TAF4B: variants seen among roughly 807,000 people sequenced by gnomAD.
The protein encoded by TAF4B is TATA-box binding protein associated factor 4b.
In TAF4B, 38 loss-of-function variants were observed where a neutral mutation model predicts 86.4. The ratio of observed to expected loss-of-function variants is 0.44; its 90% CI spans 0.34 to 0.58. The LOEUF (loss-of-function observed/expected upper bound fraction) is 0.58. TAF4B is among the 20% of genes least tolerant of loss of function. The probability of loss-of-function intolerance (pLI) is 0.02; values close to 1 mark genes in which losing one functional copy is unlikely to be tolerated. For synonymous variants in TAF4B, 388 were observed against 391.2 expected, an observed-to-expected ratio of 0.99 and a Z score of 0.10; for missense variants, 988 against 1,027.6, an observed-to-expected ratio of 0.96 and a Z score of 0.53.
intron 14 of TAF4B, among the ~76,000 whole-genome samples, chr18:26,358,688 C>T (rs1049192468): frequency 3.9e-5 from 6 of 151,926 alleles, no homozygotes; most frequent in East Asian, 1.9e-4. Flanking sequence ...CCAGCCTGGG[C>T]GACAGAGCGA....
At chr18:26,249,198 G>A (rs1168369277) in intron 1 of TAF4B, among the ~76,000 whole-genome samples, 2 of 151,674 alleles carry the variant, frequency 1.3e-5, no homozygotes, top group Admixed American at 1.3e-4. Context: ...GAGGAACCTG[G>A]CTGGGTGCGG....
rs144649722 is a variant in TAF4B at position 26,234,207 on chromosome 18, C to G, written c.343+6931C>G. 4.3e-3 allele frequency among the ~76,000 whole-genome samples: 654 copies of G among 152,296 alleles called. 6 individuals carry two copies. The highest frequency in any genetic ancestry group is 0.015 in the African/African-American group (631 of 41,558). ...ACCAAGGGTTCCTCCATAGGTATTCCTAATGGGAGATTCTGCCTGGCAGCA... is the reference window on the plus strand; with the variant it reads ...ACCAAGGGTTCCTCCATAGGTATTCGTAATGGGAGATTCTGCCTGGCAGCA... On this transcript the variant is annotated intron_variant, in intron 1 of 14. Transcript: ENST00000269142.
intron 1 of TAF4B, among the ~76,000 whole-genome samples, chr18:26,227,783 C>G (rs1272147309): frequency 6.6e-6 from 1 of 152,242 alleles, no homozygotes; most frequent in Non-Finnish European, 1.5e-5. Context: ...TCCCAAAGTG[C>G]TGGGATTACA....
intron 1 of TAF4B, among the ~76,000 whole-genome samples, chr18:26,254,721 G>C (rs1394775866): frequency 6.6e-6 from 1 of 152,178 alleles, no homozygotes; most frequent in Non-Finnish European, 1.5e-5. Context: ...GCCTGTCCTA[G>C]AGACGTGCCA....
At chr18:26,287,295 G>A (rs73946359) in intron 7 of TAF4B, among the ~76,000 whole-genome samples, 4,166 of 152,252 alleles carry the variant, frequency 0.027, 178 homozygotes, top group African/African-American at 0.095. Flanking sequence ...ATGAGCCACT[G>A]TACCTGGCTC....
At chr18:26,254,069 G>T (rs2056046002) in intron 1 of TAF4B, among the ~76,000 whole-genome samples, 1 of 151,956 alleles carries the variant, frequency 6.6e-6, no homozygotes, top group East Asian at 1.9e-4. Context: ...GGGACTACAG[G>T]CATGTGCCAC....
intron 13 of TAF4B, among the ~76,000 whole-genome samples, chr18:26,337,819 G>A (rs1419557440): frequency 6.6e-6 from 1 of 152,192 alleles, no homozygotes; most frequent in African/African-American, 2.4e-5. Context: ...GGTATAAACT[G>A]TGATGCTTTG....
intron 12 of TAF4B, among the ~76,000 whole-genome samples, chr18:26,330,367 A>G (rs1221691820): frequency 1.3e-5 from 2 of 152,080 alleles, no homozygotes; most frequent in Non-Finnish European, 2.9e-5. Context: ...TCCCTTAGTC[A>G]TGTGTCCATC....
intron 14 of TAF4B, among the ~76,000 whole-genome samples, chr18:26,382,610 G>A (rs1978296061): frequency 6.6e-6 from 1 of 152,010 alleles, no homozygotes; most frequent in Non-Finnish European, 1.5e-5. Flanking sequence ...AGATTGGTTT[G>A]GCTTAAAGCT....
rs1335256828 is a variant in TAF4B, at chr18:26,227,128, C to T, written c.195C>T (p.Pro65=). ...CGGCGTCCCAGCCCCTGCGGTCCCCCGTGGGGACCCTGGTGACCAAAGTGG... is the reference window on the plus strand; with the variant it reads ...CGGCGTCCCAGCCCCTGCGGTCCCCTGTGGGGACCCTGGTGACCAAAGTGG... ...EPTASQPLRS[P]VGTLVTKVAP... is the part of the protein sequence containing the mutation. Residue 65 remains proline, a synonymous_variant, in exon 1 of 15, where the codon CCC becomes CCT. Transcript: ENST00000269142. The T allele has an allele frequency of 6.2e-7, 1 of 1,613,680 alleles. No individual in the cohort carries two copies. Among genetic ancestry groups the T allele is most frequent in the Non-Finnish European group, 8.5e-7 (1 of 1,179,886 alleles).
In TAF4B at chr18:26,381,261, T is replaced by C. The variant is rs904133761; in HGVS notation, c.2422-8584T>C. On this transcript the variant is annotated intron_variant, in intron 14 of 14. Coordinates refer to ENST00000269142, the MANE Select transcript of TAF4B (RefSeq NM_005640.3). The stretch of plus-strand genomic sequence containing the variant: ...AACTCCTGGGCTCAAGGGACCTGCC[T>C]GCCTCGGCCTCCCAAAGTGCTGGGG... 5.3e-5 allele frequency among the ~76,000 whole-genome samples: 8 copies of C among 151,836 alleles called. No homozygotes were observed. The South Asian group carries it at 1.0e-3, about 20-fold the overall frequency.
At chr18:26,315,193 AACCT>A in intron 9 of TAF4B, 32 bp from the exon 10 acceptor site, 2 of 1,393,042 alleles carry the variant, frequency 1.4e-6, no homozygotes, top group Non-Finnish European at 1.9e-6. Context: ...ACACACACAC[AACCT>A]AAAATGTATA....
chr18:26,349,627 G>A (rs2057228257), intron 13 of TAF4B, among the ~76,000 whole-genome samples: 1 of 152,142 alleles, frequency 6.6e-6, no homozygotes, highest in Non-Finnish European at 1.5e-5. Context: ...GACCATACTA[G>A]CCAAAGCAAT....
intron 1 of TAF4B, among the ~76,000 whole-genome samples, chr18:26,235,989 C>T (rs971721707): frequency 6.6e-6 from 1 of 152,196 alleles, no homozygotes. Context: ...TTAAGAGCTT[C>T]AGGCCTTAAG....
chr18:26,282,906 T>C lies in TAF4B; in HGVS notation c.972+846T>C, dbSNP rs139387873. 1.8e-3 allele frequency among the ~76,000 whole-genome samples: 278 copies of C among 152,364 alleles called. 1 individual carries two copies. Among genetic ancestry groups the C allele is most frequent in the African/African-American group, 6.5e-3 (271 of 41,588 alleles). On this transcript the variant is annotated intron_variant, in intron 6 of 14. Transcript: ENST00000269142. Reference sequence around the variant, plus strand: ...ACTCCATCTCAAGAAACCAGTTTCTTTGCTCATCTGTAAGAAGCAACTCCT... The same window carrying C: ...ACTCCATCTCAAGAAACCAGTTTCTCTGCTCATCTGTAAGAAGCAACTCCT...
intron 1 of TAF4B, among the ~76,000 whole-genome samples, chr18:26,235,259 T>C (rs1221247769): frequency 6.6e-6 from 1 of 152,058 alleles, no homozygotes; most frequent in Non-Finnish European, 1.5e-5. Flanking sequence ...GGCCTGGCCA[T>C]CTTGCTGTAG....
At chr18:26,317,725 A>G (rs527269210) in intron 10 of TAF4B, among the ~76,000 whole-genome samples, 1 of 152,324 alleles carries the variant, frequency 6.6e-6, no homozygotes, top group African/African-American at 2.4e-5. Context: ...TCAGACAGCC[A>G]TCTTCTTGCT....
intron 14 of TAF4B, among the ~76,000 whole-genome samples, chr18:26,360,785 C>T (rs1269749564): frequency 6.6e-6 from 1 of 152,068 alleles, no homozygotes; most frequent in Non-Finnish European, 1.5e-5. Flanking sequence ...AATACAAATT[C>T]TTGTATGTAT....
At chr18:26,241,760 T>A (rs981014754) in intron 1 of TAF4B, among the ~76,000 whole-genome samples, 8 of 152,176 alleles carry the variant, frequency 5.3e-5, no homozygotes, top group Non-Finnish European at 1.2e-4. Flanking sequence ...GCTTTAAATG[T>A]TCCCAGAGAT....
Sources: allele counts gnomAD v4.1 joint callset (sites outside exome capture counted in the v4.1 genomes callset), GRCh38; gene constraint gnomAD v4.1.1; transcripts MANE v1.5; gene names NCBI Gene and HGNC (gene_info 2026-07-23, HGNC 2026-07-21).